The following ERMP1 variants were observed in gnomAD, a reference collection of about 807,000 sequenced individuals.
ERMP1 encodes the protein Felix-ina.
Under a neutral mutation model 92.0 loss-of-function variants are expected in ERMP1, and 86 were observed. That is an observed-to-expected ratio of 0.93 (90% confidence interval 0.79 to 1.12). The LOEUF (loss-of-function observed/expected upper bound fraction) is 1.12, where lower values mean the gene tolerates loss of function less well. Ranked by LOEUF, ERMP1 falls within the 50% of genes most tolerant of loss-of-function variation. ERMP1 has a pLI of 0.00. For missense variants in ERMP1, 1,342 were observed against 1,116.3 expected, an observed-to-expected ratio of 1.20 and a Z score of -2.88; for synonymous variants, 530 against 412.8, an observed-to-expected ratio of 1.28 and a Z score of -3.44.
At position 5,801,251 on chromosome 9, in the gene ERMP1, GA is replaced by G. The variant is rs755995143; in HGVS notation, c.1991del (p.Leu664ProfsTer28). ...GAAAAAATGTTCCACTGCAAACAAG[GA>G]GGAATGTAATTGCACATACCAAAGT... is the stretch of plus-strand genomic sequence containing the variant. ...TLTLVCAITFLLVCSGTFFPY... is the reference protein window; with the variant it reads ...TLTLVCAITFXLVCSGTFFPY... On this transcript the variant is annotated frameshift_variant, in exon 11 of 15. Transcript: ENST00000339450. LOFTEE classifies it high-confidence loss of function. 2 of 1,613,692 alleles carry G rather than the reference GA, an allele frequency of 1.2e-6. No individual in the cohort carries two copies. The highest frequency in any genetic ancestry group is 2.7e-5 in the African/African-American group (2 of 74,922).
chr9:5,867,008 A>C (rs1260763886), intron 5 of ERMP1, among the ~76,000 whole-genome samples: 1 of 152,188 alleles, frequency 6.6e-6, no homozygotes, highest in African/African-American at 2.4e-5. Context: ...GAGTTTGAGC[A>C]ACATGGTGAG....
intron 3 of ERMP1, among the ~76,000 whole-genome samples, chr9:5,824,873 C>G (rs112356256): frequency 6.6e-6 from 1 of 152,158 alleles, no homozygotes; most frequent in Non-Finnish European, 1.5e-5. Context: ...AATCCTGCCA[C>G]AATAATCTGC....
At chr9:5,798,377 C>T (rs767525869) in intron 12 of ERMP1, among the ~76,000 whole-genome samples, 12 of 152,114 alleles carry the variant, frequency 7.9e-5, no homozygotes, top group South Asian at 4.2e-4. Context: ...CCACCATGCC[C>T]GGCTAATTTT....
intron 5 of ERMP1, among the ~76,000 whole-genome samples, chr9:5,867,082 G>A (rs1340708117): frequency 6.6e-6 from 1 of 152,092 alleles, no homozygotes; most frequent in Non-Finnish European, 1.5e-5. Flanking sequence ...TATAGTCCTG[G>A]CTACTTGGCA....
intron 10 of ERMP1, among the ~76,000 whole-genome samples, 184 bp downstream of exon 10, chr9:5,804,843 A>G (rs917989200): frequency 6.6e-5 from 10 of 151,714 alleles, no homozygotes; most frequent in African/African-American, 2.4e-4. Context: ...CAGCAACAAC[A>G]AACTCTATAC....
intron 6 of ERMP1, among the ~76,000 whole-genome samples, chr9:5,841,567 GC>G (rs1296464438): frequency 6.6e-6 from 1 of 152,166 alleles, no homozygotes; most frequent in Non-Finnish European, 1.5e-5. Flanking sequence ...GGAGGCTGAG[GC>G]CAGTGGATCA....
rs886279828 is a variant in ERMP1 at position 5,785,876 on chromosome 9, G to C, written c.*1268C>G. On this transcript the variant is annotated 3_prime_UTR_variant, in exon 15 of 15. Transcript: ENST00000339450. ...TTTCCTAATGATAAAAAGAAAGCTT[G>C]CACAGTTTACCATTGATCTCACCAA... 5.3e-5 allele frequency: 8 copies of C among 152,164 alleles called. No individual in the cohort carries two copies. Among genetic ancestry groups the C allele is most frequent in the African/African-American group, 1.9e-4 (8 of 41,440 alleles). The allele number at this position is 152,164 out of a possible 1,614,324, so 9.4% of individuals were successfully genotyped here.
chr9:5,843,820 G>A (rs1816205101), intron 6 of ERMP1, among the ~76,000 whole-genome samples: 1 of 152,182 alleles, frequency 6.6e-6, no homozygotes, highest in African/African-American at 2.4e-5. Context: ...CACCGGGGTT[G>A]TAAAACTCAA....
intron 1 of ERMP1, 185 bp downstream of exon 1, chr9:5,832,505 A>G (rs747479785): frequency 1.6e-5 from 8 of 493,622 alleles, no homozygotes; most frequent in Non-Finnish European, 2.4e-5. Context: ...GCAAGCCCCA[A>G]GTCCCGGCAA....
At position 5,801,168 on chromosome 9, in the gene ERMP1, C is replaced by T. The variant is rs1176211023; in HGVS notation, c.2067+8G>A. On this transcript the variant is annotated splice_region_variant and intron_variant, in intron 11 of 14. Transcript: ENST00000339450. ...CAGATCTCAAATACCTCATGCAAAA[C>T]TGCTCACCTGAAGAAACACTCTCTT... is the stretch of plus-strand genomic sequence containing the variant. 6.2e-7 allele frequency: 1 copy of T among 1,607,184 alleles called. No individual in the cohort carries two copies. The highest frequency in any genetic ancestry group is 2.2e-5 in the East Asian group (1 of 44,772).
chr9:5,850,880 T>C (rs1830300868), intron 6 of ERMP1, among the ~76,000 whole-genome samples: 1 of 152,094 alleles, frequency 6.6e-6, no homozygotes, highest in Admixed American at 6.6e-5. Flanking sequence ...TCTGAGGAGG[T>C]AGGGCAGGAC....
At chr9:5,849,167 C>A (rs1382468839) in intron 6 of ERMP1, among the ~76,000 whole-genome samples, 1 of 152,184 alleles carries the variant, frequency 6.6e-6, no homozygotes, top group Non-Finnish European at 1.5e-5. Flanking sequence ...GGACTATAGG[C>A]ATGTGCCACC....
intron 4 of ERMP1, among the ~76,000 whole-genome samples, chr9:5,822,463 G>C (rs934503754): frequency 2.6e-5 from 4 of 152,252 alleles, no homozygotes; most frequent in African/African-American, 9.6e-5. Flanking sequence ...CATACATTTT[G>C]AAAGATAAAA....
At chr9:5,844,726 C>A (rs1366644677) in intron 6 of ERMP1, among the ~76,000 whole-genome samples, 1 of 152,210 alleles carries the variant, frequency 6.6e-6, no homozygotes, top group East Asian at 1.9e-4. Context: ...CTCCTCATCC[C>A]CTTTTTGTTT....
intron 12 of ERMP1, 22 bp from the exon 13 acceptor site, chr9:5,797,954 G>C (rs537305706): frequency 1.1e-5 from 16 of 1,449,562 alleles, no homozygotes; most frequent in Non-Finnish European, 1.4e-5. Flanking sequence ...GGAAGCTTCA[G>C]TTTTAGGGTG....
At chr9:5,827,922 G>A (rs1428909011) in intron 2 of ERMP1, among the ~76,000 whole-genome samples, 2 of 152,184 alleles carry the variant, frequency 1.3e-5, no homozygotes. Context: ...AGCTTGCAGT[G>A]AGCCGAGATC....
At chr9:5,851,674 G>A (rs1830308416) in intron 6 of ERMP1, among the ~76,000 whole-genome samples, 1 of 152,152 alleles carries the variant, frequency 6.6e-6, no homozygotes, top group Admixed American at 6.5e-5. Flanking sequence ...CAGTCTAGCT[G>A]TTAAGTCTGT....
chr9:5,784,574 T>C lies in ERMP1; in HGVS notation c.*2570A>G, dbSNP rs1827859320. 1 of 152,596 alleles carries C rather than the reference T, an allele frequency of 6.6e-6. No homozygotes were observed. Among genetic ancestry groups the C allele is most frequent in the African/African-American group, 2.4e-5 (1 of 41,432 alleles). The allele number at this position is 152,596 out of a possible 1,614,324, so 9.5% of individuals were successfully genotyped here. On this transcript the variant is annotated 3_prime_UTR_variant, in exon 15 of 15. Transcript: ENST00000339450. ...TCAGTTAAAAAGATACCAACCAGTA[T>C]ATTAAACAGTTTATTTCAGTAACAT... is the stretch of plus-strand genomic sequence containing the variant.
chr9:5,821,992 G>A (rs772565444), intron 4 of ERMP1, among the ~76,000 whole-genome samples: 1 of 152,200 alleles, frequency 6.6e-6, no homozygotes, highest in Non-Finnish European at 1.5e-5. Flanking sequence ...GGTGGCTCGT[G>A]CCTGTAATCC....
Sources: gnomAD v4.1 joint callset for allele counts (sites outside exome capture counted in the v4.1 genomes callset) on GRCh38, gnomAD v4.1.1 for gene constraint, MANE v1.5 for transcripts, NCBI Gene and HGNC (gene_info 2026-07-23, HGNC 2026-07-21) for gene names.